The following PRDM11 variants were observed in gnomAD, a reference collection of about 807,000 sequenced individuals.
PRDM11 encodes PR domain-containing protein 11.
Under a neutral mutation model 97.8 loss-of-function variants are expected in PRDM11, and 20 were observed. That is an observed-to-expected ratio of 0.20 (90% CI 0.14 to 0.30). The LOEUF (loss-of-function observed/expected upper bound fraction) is 0.30. PRDM11 is among the 10% of genes least tolerant of loss of function. PRDM11 has a pLI of 1.00. For missense variants in PRDM11, 1,139 were observed against 1,555.2 expected (o/e 0.73, Z 4.50); for synonymous variants, 599 against 637.7 (o/e 0.94, Z 0.91).
chr11:45,190,307 T>C lies in PRDM11; in HGVS notation c.486+7184T>C, dbSNP rs548882473. Among the ~76,000 whole-genome samples, 3 of 152,106 alleles carry C rather than the reference T, an allele frequency of 2.0e-5. No individual in the cohort carries two copies. The South Asian group carries it at 6.2e-4, about 32-fold the overall frequency. ...GACTACAGGCGCACACCACCATGTC[T>C]GGTTAATTTTTTTGTATTTTAGTAG... On this transcript the variant is annotated intron_variant, in intron 4 of 7. Coordinates refer to ENST00000683152, the MANE Select transcript of PRDM11 (RefSeq NM_001384648.1).
chr11:45,113,166 A>AG (rs1852221104), intron 1 of PRDM11, among the ~76,000 whole-genome samples: 1 of 152,198 alleles, frequency 6.6e-6, no homozygotes, highest in Non-Finnish European at 1.5e-5. Context: ...ATTCTTCTAC[A>AG]TGTGGCTTGC....
At chr11:45,125,141 T>C (rs1852534943) in intron 1 of PRDM11, among the ~76,000 whole-genome samples, 2 of 152,134 alleles carry the variant, frequency 1.3e-5, no homozygotes, top group Admixed American at 1.3e-4. Flanking sequence ...GTGTTTGTAG[T>C]ATTCTCTGAT....
chr11:45,151,008 C>T (rs560586145), intron 1 of PRDM11, among the ~76,000 whole-genome samples: 1 of 152,304 alleles, frequency 6.6e-6, no homozygotes, highest in South Asian at 2.1e-4. Flanking sequence ...GAGGCCATCT[C>T]CTTGGTATGT....
intron 1 of PRDM11, among the ~76,000 whole-genome samples, chr11:45,174,904 C>T (rs1329852633): frequency 6.6e-6 from 1 of 152,184 alleles, no homozygotes; most frequent in Admixed American, 6.5e-5. Flanking sequence ...TTTTGTACAC[C>T]TGTGTAGTGT....
intron 1 of PRDM11, among the ~76,000 whole-genome samples, chr11:45,137,822 C>T (rs988736807): frequency 1.3e-5 from 2 of 152,138 alleles, no homozygotes; most frequent in Non-Finnish European, 2.9e-5. Flanking sequence ...CTTCCCGACT[C>T]GGGTCCAAAA....
chr11:45,148,565 G>A (rs1443923983), intron 1 of PRDM11, among the ~76,000 whole-genome samples: 6 of 152,280 alleles, frequency 3.9e-5, no homozygotes, highest in Admixed American at 2.0e-4. Context: ...CCCTGGTGAC[G>A]TTCACAAAGA....
intron 1 of PRDM11, among the ~76,000 whole-genome samples, chr11:45,161,413 C>T (rs1851924656): frequency 6.6e-6 from 1 of 152,228 alleles, no homozygotes; most frequent in Admixed American, 6.5e-5. Flanking sequence ...GGATTTCATC[C>T]TGGCTTGGCC....
At chr11:45,149,151 G>A (rs564125516) in intron 1 of PRDM11, among the ~76,000 whole-genome samples, 33 of 152,312 alleles carry the variant, frequency 2.2e-4, no homozygotes, top group African/African-American at 7.7e-4. Context: ...CAGGACAACA[G>A]CAAGAGCCTC....
At chr11:45,123,503 T>A (rs887114373) in intron 1 of PRDM11, among the ~76,000 whole-genome samples, 17 of 152,176 alleles carry the variant, frequency 1.1e-4, no homozygotes, top group Admixed American at 3.9e-4. Flanking sequence ...CTTTAATCCA[T>A]CTTGAATTAA....
intron 5 of PRDM11, chr11:45,213,087 G>A (rs1408338926): frequency 4.4e-6 from 2 of 453,882 alleles, no homozygotes; most frequent in Non-Finnish European, 8.9e-6. Context: ...GAGGAGGGAT[G>A]TCTGGCCTCA....
chr11:45,119,110 C>G (rs1239948713), intron 1 of PRDM11, among the ~76,000 whole-genome samples: 1 of 152,138 alleles, frequency 6.6e-6, no homozygotes, highest in African/African-American at 2.4e-5. Flanking sequence ...TGTTCTGGAG[C>G]TACAGCAAGC....
At chr11:45,184,982 C>T (rs1394553445) in intron 4 of PRDM11, among the ~76,000 whole-genome samples, 1 of 152,074 alleles carries the variant, frequency 6.6e-6, no homozygotes, top group Non-Finnish European at 1.5e-5. Flanking sequence ...AGAAGGTTTG[C>T]AGCCAGAGAG....
upstream of PRDM11, among the ~76,000 whole-genome samples, chr11:45,145,001 C>T (rs1214195676): frequency 6.6e-6 from 1 of 152,148 alleles, no homozygotes; most frequent in Non-Finnish European, 1.5e-5. Context: ...CCCCGTCCCC[C>T]AGTACCCGAC....
chr11:45,128,201 G>A (rs1852627101), intron 1 of PRDM11, among the ~76,000 whole-genome samples: 1 of 152,246 alleles, frequency 6.6e-6, no homozygotes, highest in South Asian at 2.1e-4. Context: ...CGTTGGCAAA[G>A]TGCAGTATTA....
chr11:45,098,235 T>C (rs1301758997), intron 1 of PRDM11, among the ~76,000 whole-genome samples: 2 of 152,158 alleles, frequency 1.3e-5, no homozygotes, highest in East Asian at 3.9e-4. Context: ...AAGACTGACA[T>C]GCAAGGAAAA....
At chr11:45,199,427 C>T (rs951737726) in intron 4 of PRDM11, among the ~76,000 whole-genome samples, 7 of 152,200 alleles carry the variant, frequency 4.6e-5, no homozygotes, top group Admixed American at 1.3e-4. Context: ...CATCCTGTCC[C>T]CACGACATGG....
At chr11:45,209,583 G>C (rs1457498665) in intron 5 of PRDM11, among the ~76,000 whole-genome samples, 1 of 152,182 alleles carries the variant, frequency 6.6e-6, no homozygotes, top group African/African-American at 2.4e-5. Context: ...GGACTCCTAG[G>C]AATAAACCAA....
At chr11:45,130,588 A>T (rs1245615083) in intron 1 of PRDM11, among the ~76,000 whole-genome samples, 1 of 152,138 alleles carries the variant, frequency 6.6e-6, no homozygotes, top group Non-Finnish European at 1.5e-5. Flanking sequence ...CACACCTGGA[A>T]CTCACTCATG....
intron 1 of PRDM11, among the ~76,000 whole-genome samples, chr11:45,171,587 G>A (rs1309589673): frequency 6.6e-6 from 1 of 152,206 alleles, no homozygotes; most frequent in African/African-American, 2.4e-5. Context: ...CCCTTTGTAG[G>A]CTGAGGCACC....
Sources: gnomAD v4.1 joint callset for allele counts (sites outside exome capture counted in the v4.1 genomes callset) on GRCh38, gnomAD v4.1.1 for gene constraint, MANE v1.5 for transcripts, NCBI Gene and HGNC (gene_info 2026-07-23, HGNC 2026-07-21) for gene names.